The following HIPK1 variants were observed in gnomAD, a reference collection of about 807,000 sequenced individuals.
HIPK1 encodes the protein homeodomain-interacting protein kinase 1.
A neutral mutation model predicts 117.1 loss-of-function variants in HIPK1; 28 were observed. That is an observed-to-expected ratio of 0.24 (90% CI 0.18 to 0.33). HIPK1 has a LOEUF of 0.33. Among genes scored for constraint, HIPK1 ranks in the 10% least tolerant of loss-of-function variants. HIPK1 has a pLI of 1.00. For missense variants in HIPK1, 1,122 were observed against 1,475.1 expected (o/e 0.76, Z 3.92); for synonymous variants, 605 against 562.5 (o/e 1.08, Z -1.07).
At chr1:113,929,603 C>G (rs943963309) in intron 1 of HIPK1, 71 bp downstream of exon 1, 2 of 1,166,840 alleles carry the variant, frequency 1.7e-6, no homozygotes, top group Non-Finnish European at 2.3e-6. Flanking sequence ...GGGACGGCCG[C>G]TCGGCATTCC....
rs1672251567 is a variant in HIPK1, at chr1:113,963,441, A to G, written c.2158A>G (p.Thr720Ala). 2 of 1,613,966 alleles carry G rather than the reference A, an allele frequency of 1.2e-6. No homozygotes were observed. Among genetic ancestry groups the G allele is most frequent in the African/African-American group, 2.7e-5 (2 of 74,908 alleles). ...ATLHPQVATI[T>A]PQYAVPFTLS... ...TCTCCACCCTCAAGTAGCCACCATC[A>G]CACCGCAGTATGCGGTGCCCTTTAC... The change falls in exon 10 of 16, where the codon ACA becomes GCA. Residue 720 changes from threonine to alanine, a missense_variant. Coordinates refer to ENST00000426820, the MANE Select transcript of HIPK1 (RefSeq NM_198268.3).
At chr1:113,972,000 G>A (rs1672864326) in intron 15 of HIPK1, 46 bp downstream of exon 15, 1 of 1,612,942 alleles carries the variant, frequency 6.2e-7, no homozygotes, top group Non-Finnish European at 8.5e-7. Flanking sequence ...CTGCACTGTT[G>A]TTACTTTCTG....
At chr1:113,933,892 G>T (rs1670072535) in intron 1 of HIPK1, among the ~76,000 whole-genome samples, 1 of 152,070 alleles carries the variant, frequency 6.6e-6, no homozygotes, top group Non-Finnish European at 1.5e-5. Flanking sequence ...GTACAATTTG[G>T]AGGAAACCAG....
chr1:113,944,256 C>T (rs1322379752), intron 2 of HIPK1, among the ~76,000 whole-genome samples: 1 of 140,348 alleles, frequency 7.1e-6, no homozygotes, highest in Non-Finnish European at 1.5e-5. Context: ...ACTGCAGCCT[C>T]TGCCTCCCAG....
intron 12 of HIPK1, 148 bp from the exon 13 acceptor site, chr1:113,968,294 T>G: frequency 4.6e-6 from 3 of 657,126 alleles, no homozygotes; most frequent in Non-Finnish European, 8.1e-6. Context: ...GGTGCTTATT[T>G]TCACTGGAAC....
At chr1:113,950,804 G>A (rs1380559845) in intron 2 of HIPK1, among the ~76,000 whole-genome samples, 1 of 152,120 alleles carries the variant, frequency 6.6e-6, no homozygotes, top group African/African-American at 2.4e-5. Flanking sequence ...CGCTGGCCAA[G>A]GGCACCATCT....
At chr1:113,947,182 T>G (rs975605438) in intron 2 of HIPK1, among the ~76,000 whole-genome samples, 3 of 152,228 alleles carry the variant, frequency 2.0e-5, no homozygotes, top group African/African-American at 7.2e-5. Flanking sequence ...CATGGCTAAA[T>G]GATTCAGGCA....
At chr1:113,966,382 T>C (rs1204011591) in intron 11 of HIPK1, 110 bp downstream of exon 11, 2 of 1,019,060 alleles carry the variant, frequency 2.0e-6, no homozygotes, top group Non-Finnish European at 2.8e-6. Flanking sequence ...AATTTGACAC[T>C]GTTGGAATCC....
chr1:113,958,333 C>T, intron 8 of HIPK1, 42 bp downstream of exon 8: 1 of 1,366,830 alleles, frequency 7.3e-7, no homozygotes, highest in Non-Finnish European at 1.0e-6. Context: ...TTGTATCAGA[C>T]CTACCTGCTT....
intron 9 of HIPK1, 115 bp downstream of exon 9, chr1:113,962,553 C>G: frequency 9.8e-7 from 1 of 1,016,664 alleles, no homozygotes; most frequent in Non-Finnish European, 1.4e-6. Context: ...GGTCATGATT[C>G]AGTGGACTTA....
intron 9 of HIPK1, among the ~76,000 whole-genome samples, chr1:113,962,892 A>G (rs1475708018): frequency 6.6e-6 from 1 of 152,232 alleles, no homozygotes; most frequent in Non-Finnish European, 1.5e-5. Flanking sequence ...ATGCCTCTTC[A>G]CATATTACAT....
intron 10 of HIPK1, among the ~76,000 whole-genome samples, chr1:113,965,150 C>A (rs1279936913): frequency 6.6e-6 from 1 of 152,128 alleles, no homozygotes; most frequent in African/African-American, 2.4e-5. Context: ...CTGTTACTTG[C>A]AGAAATATTT....
chr1:113,968,350 C>G, intron 12 of HIPK1, 92 bp from the exon 13 acceptor site: 3 of 882,486 alleles, frequency 3.4e-6, no homozygotes, highest in Non-Finnish European at 5.7e-6. Flanking sequence ...AAAAAGGAAT[C>G]AATGAGTAAA....
chr1:113,930,652 TG>T (rs1299299680), intron 1 of HIPK1: 1 of 152,284 alleles, frequency 6.6e-6, no homozygotes, highest in African/African-American at 2.4e-5. Context: ...CACAGGTCTG[TG>T]GGGAAGAGTC....
rs776744666 is a variant in HIPK1 at position 113,967,893 on chromosome 1, C to A, written c.2509C>A (p.Gln837Lys). 1 of 1,611,324 alleles carries A rather than the reference C, an allele frequency of 6.2e-7. No individual in the cohort carries two copies. The highest frequency in any genetic ancestry group is 8.5e-7 in the Non-Finnish European group (1 of 1,179,352). ...VGVAHVVRQQ[Q>K]SSSLPSKKNK... The stretch of plus-strand genomic sequence containing the variant: ...TGTTGCCCATGTTGTCAGACAACAA[C>A]AATCCAGTTCCCTCCCTTCGAAGAA... Residue 837 changes from glutamine to lysine, a missense_variant, in exon 12 of 16, where the codon CAA becomes AAA. Gln to Lys is a moderately conservative substitution (Grantham distance 53). This residue lies in a region of HIPK1 where 731 missense variants were observed against 860.4 expected (regional missense o/e 0.85). Coordinates refer to ENST00000426820, the MANE Select transcript of HIPK1 (RefSeq NM_198268.3).
chr1:113,940,192 T>C (rs1301369892), intron 1 of HIPK1, among the ~76,000 whole-genome samples, 190 bp from the exon 2 acceptor site: 1 of 152,218 alleles, frequency 6.6e-6, no homozygotes, highest in African/African-American at 2.4e-5. Context: ...ATCTTCACTT[T>C]GTCCAGCACG....
chr1:113,945,354 TCTA>T (rs1179148963), intron 2 of HIPK1, among the ~76,000 whole-genome samples: 6 of 152,238 alleles, frequency 3.9e-5, no homozygotes, highest in Non-Finnish European at 7.3e-5. Flanking sequence ...GTGCAGTTTG[TCTA>T]CTTTTTCTTT....
At chr1:113,955,190 G>A (rs1360061983) in intron 4 of HIPK1, among the ~76,000 whole-genome samples, 4 of 152,144 alleles carry the variant, frequency 2.6e-5, no homozygotes, top group Non-Finnish European at 5.9e-5. Flanking sequence ...TACTCTGTCA[G>A]GTTCAGAAAT....
At chr1:113,939,352 G>GT (rs1553266120) in intron 1 of HIPK1, among the ~76,000 whole-genome samples, 1 of 148,110 alleles carries the variant, frequency 6.8e-6, no homozygotes, top group Non-Finnish European at 1.5e-5. Flanking sequence ...TGTTGTTGTT[G>GT]TTGTTTGTTT....
Sources: allele counts gnomAD v4.1 joint callset (sites outside exome capture counted in the v4.1 genomes callset), GRCh38; gene constraint gnomAD v4.1.1; regional missense constraint gnomAD v4.1.1; transcripts MANE v1.5; gene names NCBI Gene and HGNC (gene_info 2026-07-23, HGNC 2026-07-21).